MIA2: variants seen among roughly 807,000 people sequenced by gnomAD.
MIA2 encodes the protein melanoma inhibitory activity protein 2.
MIA2 carries 127 observed loss-of-function variants against 167.8 expected under a neutral mutation model. The ratio of observed to expected loss-of-function variants is 0.76; its 90% CI spans 0.66 to 0.88. MIA2 has a LOEUF of 0.88. Among genes scored for constraint, MIA2 ranks in the 40% least tolerant of loss-of-function variants. MIA2 has a pLI of 0.00. For missense variants in MIA2, 1,690 were observed against 1,624.7 expected, an observed-to-expected ratio of 1.04 and a Z score of -0.69; for synonymous variants, 552 against 541.9, an observed-to-expected ratio of 1.02 and a Z score of -0.26.
intron 25 of MIA2, among the ~76,000 whole-genome samples, chr14:39,333,967 T>C (rs1850521730): frequency 6.6e-6 from 1 of 152,220 alleles, no homozygotes; most frequent in Non-Finnish European, 1.5e-5. Context: ...ATAATCTCAA[T>C]GTCATAGACA....
At chr14:39,307,769 A>G (rs1050275464) in intron 17 of MIA2, among the ~76,000 whole-genome samples, 3 of 152,102 alleles carry the variant, frequency 2.0e-5, no homozygotes, top group Non-Finnish European at 2.9e-5. Context: ...CTATTCAGCC[A>G]TCAAAAAATA....
In MIA2 at chr14:39,304,364, C is replaced by A; in HGVS notation, c.2861C>A (p.Thr954Lys). Residue 954 changes from threonine to lysine, a missense_variant, in exon 17 of 29, where the codon ACA (threonine) becomes AAA (lysine). Coordinates refer to ENST00000640607, the MANE Select transcript of MIA2 (RefSeq NM_001329214.4). ...ATTCAGTTGTCTGAAGTTGATAAAA[C>A]AAAGGAAGAGCTTACAGGTAGGTCA... is the stretch of plus-strand genomic sequence containing the variant. ...IYIQLSEVDK[T>K]KEELTEHIKN... The A allele has an allele frequency of 6.4e-7, 1 of 1,564,890 alleles. No individual in the cohort carries two copies. Among genetic ancestry groups the A allele is most frequent in the Non-Finnish European group, 8.7e-7 (1 of 1,153,978 alleles).
chr14:39,266,302 A>G (rs1196390953), intron 6 of MIA2: 2 of 985,302 alleles, frequency 2.0e-6, no homozygotes, highest in African/African-American at 3.5e-5. Flanking sequence ...CGTCAGCTAA[A>G]ACCGTCTCCT....
chr14:39,383,117 A>G (rs1265687261), intron 23 of MIA2, among the ~76,000 whole-genome samples: 1 of 152,016 alleles, frequency 6.6e-6, no homozygotes, highest in African/African-American at 2.4e-5. Context: ...ATACAGACCT[A>G]CTTCATTTTA....
Position 39,343,695 on chromosome 14 carries a change from A to G in MIA2, c.3656-2209A>G, listed in dbSNP as rs548056902. Among the ~76,000 whole-genome samples, 10 of 152,346 alleles carry G rather than the reference A, an allele frequency of 6.6e-5. No individual in the cohort carries two copies. In the South Asian group the frequency reaches 2.1e-3, roughly 32 times the overall value. Reference sequence around the variant, plus strand: ...GAAAACAAAAGTTTGAAAGCAAAAAAGAAAGGGACCTTTCATGTCCTTACT... The same window carrying G: ...GAAAACAAAAGTTTGAAAGCAAAAAGGAAAGGGACCTTTCATGTCCTTACT... On this transcript the variant is annotated intron_variant, in intron 25 of 28. Transcript: ENST00000640607.
chr14:39,288,462 T>TG (rs1566747993), intron 9 of MIA2, among the ~76,000 whole-genome samples: 1 of 20,050 alleles, frequency 5.0e-5, no homozygotes. Flanking sequence ...TATATATATA[T>TG]ATATATATAT....
chr14:39,266,286 C>T, intron 6 of MIA2: 4 of 985,424 alleles, frequency 4.1e-6, no homozygotes, highest in African/African-American at 1.7e-5. Flanking sequence ...TTATCCTTTA[C>T]ACCTACGTCA....
At chr14:39,358,341 A>C (rs562950351) in intron 23 of MIA2, among the ~76,000 whole-genome samples, 2 of 152,330 alleles carry the variant, frequency 1.3e-5, no homozygotes, top group Non-Finnish European at 2.9e-5. Flanking sequence ...CCAGTTGATC[A>C]AATCGGCTAC....
chr14:39,301,359 C>T (rs11846397), intron 14 of MIA2, among the ~76,000 whole-genome samples: 41,158 of 147,914 alleles, frequency 0.28, 5,776 homozygotes, highest in East Asian at 0.5. Flanking sequence ...GCCACCGCAT[C>T]TGGCTGTGGC....
At chr14:39,327,102 GTA>G (rs1201203949) in intron 25 of MIA2, 80 bp downstream of exon 25, 1 of 1,102,610 alleles carries the variant, frequency 9.1e-7, no homozygotes, top group East Asian at 2.9e-5. Flanking sequence ...GAAGGGAGGA[GTA>G]TATGTTTGTT....
intron 24 of MIA2, 92 bp downstream of exon 24, chr14:39,321,148 T>C (rs1447142947): frequency 1.5e-6 from 2 of 1,291,960 alleles, no homozygotes; most frequent in Non-Finnish European, 2.1e-6. Flanking sequence ...GTAAAATATT[T>C]GGAAAATACA....
rs139157681 is a variant in MIA2 at position 39,388,386 on chromosome 14, C to CT, written c.*1435dup. The CT allele has an allele frequency of 0.19, 28,199 of 152,002 alleles. 2,636 individuals are homozygous for CT. Among genetic ancestry groups the CT allele is most frequent in the Middle Eastern group, 0.28 (83 of 294 alleles). 9.4% of individuals were successfully genotyped at this position (152,002 alleles called of 1,614,324 possible). On this transcript the variant is annotated 3_prime_UTR_variant, in exon 24 of 24. Transcript: ENST00000341502. The surrounding 1 kb of genome is among the most constrained non-coding windows in gnomAD (Gnocchi z 4.1). ...CATGTCTTTCCATATCCCTTTAAGT[C>CT]TAAATTTTATGTCCTTACCTGATTT...
Position 39,247,144 on chromosome 14 carries a change from C to T in MIA2, c.570C>T (p.Thr190=), listed in dbSNP as rs199761994. ...AGGCTCCTGAAGATATCGGAAGTAC[C>T]AGTGAATCAAAAGACTGGGAAGAAG... The part of the protein sequence containing the change: ...ALEAPEDIGS[T]SESKDWEEVV... The change falls in exon 4 of 29, where the codon ACC becomes ACT. Residue 190 remains threonine (T), a synonymous_variant. Coordinates refer to ENST00000640607, the MANE Select transcript of MIA2 (RefSeq NM_001329214.4). 43 of 1,613,962 alleles carry T rather than the reference C, an allele frequency of 2.7e-5. No homozygotes were observed. Among genetic ancestry groups the T allele is most frequent in the Non-Finnish European group, 3.1e-5 (36 of 1,179,980 alleles).
In MIA2 at chr14:39,247,575, G is replaced by C. The variant is rs760730644; in HGVS notation, c.1001G>C (p.Ser334Thr). Residue 334 changes from serine (S) to threonine (T), a missense_variant, in exon 4 of 29, where the codon AGC becomes ACC. Ser to Thr is a moderately conservative substitution (Grantham distance 58). Coordinates refer to ENST00000640607, the MANE Select transcript of MIA2 (RefSeq NM_001329214.4). ...GGGCTTGAATTAATAGCTGAAGAAA[G>C]CAATCCACCACTACAAGATTTTCCC... The part of the protein sequence containing the change: ...DTGLELIAEE[S>T]NPPLQDFPNS... 26 of 1,613,772 alleles carry C rather than the reference G, an allele frequency of 1.6e-5. No homozygotes were observed. Among genetic ancestry groups the C allele is most frequent in the Admixed American group, 1.7e-5 (1 of 59,966 alleles).
intron 25 of MIA2, among the ~76,000 whole-genome samples, chr14:39,337,943 G>T (rs900111422): frequency 6.6e-6 from 1 of 151,972 alleles, no homozygotes; most frequent in Non-Finnish European, 1.5e-5. Context: ...GGCTGGTCTC[G>T]AACTTCTGAC....
chr14:39,295,020 C>G lies in MIA2; in HGVS notation c.2487C>G (p.Ser829Arg). The change falls in exon 13 of 29, where the codon AGC becomes AGG. Residue 829 changes from serine to arginine, a missense_variant. Physicochemically the swap from Ser to Arg is moderately radical, Grantham distance 110. Transcript: ENST00000640607. ...ATGAAAATTCTCAACTTCAGGAAAG[C>G]CAGAAACAGGTTTGTGCTCCGTAGG... ...ALNENSQLQE[S>R]QKQLLQEAEV... The G allele has an allele frequency of 6.2e-7, 1 of 1,608,134 alleles. No homozygotes were observed. The highest frequency in any genetic ancestry group is 8.5e-7 in the Non-Finnish European group (1 of 1,174,650).
At chr14:39,251,777 A>C (rs1185338741) in intron 4 of MIA2, among the ~76,000 whole-genome samples, 1 of 152,196 alleles carries the variant, frequency 6.6e-6, no homozygotes, top group Non-Finnish European at 1.5e-5. Context: ...TAAATAAATG[A>C]AACTGTCAAA....
At chr14:39,310,822 G>A (rs2064114280) in intron 18 of MIA2, among the ~76,000 whole-genome samples, 1 of 143,154 alleles carries the variant, frequency 7.0e-6, no homozygotes, top group African/African-American at 3.0e-5. Context: ...TATTTGTTAT[G>A]GCCCTTTGGC....
chr14:39,237,352 C>T (rs968843136), intron 2 of MIA2: 4 of 351,654 alleles, frequency 1.1e-5, no homozygotes, highest in East Asian at 7.2e-5. Context: ...GGTCACAAAC[C>T]CCTGAGCTAA....
Sources: gnomAD v4.1 joint callset for allele counts (sites outside exome capture counted in the v4.1 genomes callset) on GRCh38, gnomAD v4.1.1 for gene constraint, Gnocchi (gnomAD v3.1) non-coding constraint, MANE v1.5 for transcripts, NCBI Gene and HGNC (gene_info 2026-07-23, HGNC 2026-07-21) for gene names.